TLL1: variants seen among roughly 807,000 people sequenced by gnomAD.
TLL1 encodes the protein tolloid-like protein 1.
In TLL1, 49 loss-of-function variants were observed where a neutral mutation model predicts 128.2. That is an observed-to-expected ratio of 0.38 (90% CI 0.30 to 0.48). The LOEUF is 0.48. Ranked by LOEUF, TLL1 falls within the 20% of genes least tolerant of loss-of-function variation. The probability of loss-of-function intolerance (pLI) is 0.96; values close to 1 mark genes in which losing one functional copy is unlikely to be tolerated. For synonymous variants in TLL1, 454 were observed against 418.8 expected (o/e 1.08, Z -1.03); for missense variants, 1,123 against 1,242.0 (o/e 0.90, Z 1.44).
rs769663000 is a variant in TLL1 at position 166,008,064 on chromosome 4, T to C, written c.917+16T>C. The C allele has an allele frequency of 1.1e-5, 17 of 1,592,898 alleles. No individual in the cohort carries two copies. In the Admixed American group the frequency reaches 2.8e-4, roughly 27 times the overall value. ...CCTTCTCAAGGTTGGAGTCTCAGGT[T>C]ATACCTTTTGACTTTTAATTCCTTT... On this transcript the variant is annotated intron_variant, in intron 7 of 20. Transcript: ENST00000061240.
intron 2 of TLL1, among the ~76,000 whole-genome samples, chr4:165,989,920 T>G (rs2111010497): frequency 6.6e-6 from 1 of 152,036 alleles, no homozygotes; most frequent in African/African-American, 2.4e-5. Flanking sequence ...CTCTTGAGTA[T>G]TATATTAAGT....
chr4:165,874,406 C>T (rs1237927919), intron 1 of TLL1, among the ~76,000 whole-genome samples: 1 of 152,154 alleles, frequency 6.6e-6, no homozygotes, highest in East Asian at 1.9e-4. Context: ...GTTTTAAATT[C>T]CAACACTCAG....
At chr4:165,946,111 C>T (rs896071619) in intron 1 of TLL1, among the ~76,000 whole-genome samples, 5 of 152,144 alleles carry the variant, frequency 3.3e-5, no homozygotes, top group Admixed American at 6.5e-5. Flanking sequence ...AGAGTGGTTC[C>T]GAGATGACAG....
At chr4:166,041,210 A>T (rs1739220657) in intron 10 of TLL1, among the ~76,000 whole-genome samples, 1 of 152,094 alleles carries the variant, frequency 6.6e-6, no homozygotes, top group Admixed American at 6.5e-5. Context: ...AGATACCAAG[A>T]GTAGCCTTGG....
At position 166,047,792 on chromosome 4, in the gene TLL1, T is replaced by G. The variant is rs116345320; in HGVS notation, c.1524+4373T>G. On this transcript the variant is annotated intron_variant, in intron 12 of 20. Coordinates refer to ENST00000061240, the MANE Select transcript of TLL1 (RefSeq NM_012464.5). Reference sequence around the variant, plus strand: ...CTTGATGCCTCTGTAATTATACCATTTGGGAAGTGATGTGGTCTGGATGTT... The same window carrying G: ...CTTGATGCCTCTGTAATTATACCATGTGGGAAGTGATGTGGTCTGGATGTT... Among the ~76,000 whole-genome samples the G allele has an allele frequency of 6.3e-3, 963 of 152,228 alleles. 5 individuals carry two copies. Among genetic ancestry groups the G allele is most frequent in the African/African-American group, 0.022 (912 of 41,552 alleles).
At chr4:165,907,112 AAGT>A (rs1732295642) in intron 1 of TLL1, among the ~76,000 whole-genome samples, 1 of 152,230 alleles carries the variant, frequency 6.6e-6, no homozygotes, top group South Asian at 2.1e-4. Flanking sequence ...GGTCTCAAAA[AAGT>A]TTAAAAATTA....
At chr4:166,043,033 G>T (rs112184403) in intron 11 of TLL1, among the ~76,000 whole-genome samples, 2,057 of 152,172 alleles carry the variant, frequency 0.014, 55 homozygotes, top group African/African-American at 0.047. Context: ...ATACCTTTTC[G>T]TTAAGATAGG....
chr4:166,044,405 G>A lies in TLL1; in HGVS notation c.1524+986G>A, dbSNP rs1372174595. The A allele has an allele frequency of 3.3e-6, 5 of 1,535,430 alleles. No individual in the cohort carries two copies. In the African/African-American group the frequency reaches 6.8e-5, roughly 21 times the overall value. On this transcript the variant is annotated intron_variant, in intron 12 of 20. Coordinates refer to ENST00000061240, the MANE Select transcript of TLL1 (RefSeq NM_012464.5). ...AATCCAGGGATTGCCAGTAAAGCCA[G>A]AGAATCTCTCATCCTCATCTGGAAG...
intron 1 of TLL1, among the ~76,000 whole-genome samples, chr4:165,951,841 T>C (rs534113391): frequency 1.3e-5 from 2 of 152,260 alleles, no homozygotes; most frequent in East Asian, 1.9e-4. Context: ...AATTGATCCA[T>C]TATTACCAAG....
chr4:165,971,597 G>T (rs1202829435), intron 1 of TLL1, among the ~76,000 whole-genome samples: 2 of 152,158 alleles, frequency 1.3e-5, no homozygotes, highest in Non-Finnish European at 2.9e-5. Flanking sequence ...TGTGAATCAG[G>T]ATCTCTGAAT....
At position 166,078,024 on chromosome 4, in the gene TLL1, C is replaced by A; in HGVS notation, c.2436C>A (p.Ile812=). The A allele has an allele frequency of 6.2e-7, 1 of 1,613,508 alleles. No individual in the cohort carries two copies. The highest frequency in any genetic ancestry group is 1.1e-5 in the South Asian group (1 of 91,022). Residue 812 remains isoleucine, a synonymous_variant, in exon 18 of 21, where the codon ATC becomes ATA. Coordinates refer to ENST00000061240, the MANE Select transcript of TLL1 (RefSeq NM_012464.5). ...TCAGCGCCACTCCTGGCCACCGAATCAAATTAGTAAGTGAGCACATCCTTT... is the reference window on the plus strand; with the variant it reads ...TCAGCGCCACTCCTGGCCACCGAATAAAATTAGTAAGTGAGCACATCCTTT... ...WEISATPGHR[I]KLAFSEFEIE...
At chr4:165,898,992 C>A (rs535048928) in intron 1 of TLL1, among the ~76,000 whole-genome samples, 1 of 152,244 alleles carries the variant, frequency 6.6e-6, no homozygotes, top group Non-Finnish European at 1.5e-5. Flanking sequence ...TTCATTTCTT[C>A]TAGATTTTAT....
At chr4:166,066,644 T>A (rs1436547497) in intron 16 of TLL1, among the ~76,000 whole-genome samples, 1 of 151,790 alleles carries the variant, frequency 6.6e-6, no homozygotes, top group African/African-American at 2.4e-5. Flanking sequence ...TTTATTCTGG[T>A]CCTCATGTGT....
rs747081520 is a variant in TLL1 at position 166,030,885 on chromosome 4, T to A, written c.1158+5454T>A. 4.3e-5 allele frequency: 42 copies of A among 987,458 alleles called. No homozygotes were observed. The East Asian group carries it at 1.1e-3, about 26-fold the overall frequency. 61.2% of individuals were successfully genotyped at this position (987,458 alleles called of 1,614,324 possible). On this transcript the variant is annotated intron_variant, in intron 9 of 20. Coordinates refer to ENST00000061240, the MANE Select transcript of TLL1 (RefSeq NM_012464.5). ...GAAAATGTGGATTTTTTACATGAAT[T>A]TATAAAACTATAGTTTCACTGGATA...
intron 1 of TLL1, among the ~76,000 whole-genome samples, chr4:165,947,575 G>A (rs896373974): frequency 6.6e-6 from 1 of 152,074 alleles, no homozygotes; most frequent in Non-Finnish European, 1.5e-5. Flanking sequence ...AGAATGCACT[G>A]GAGAAAAGGC....
At chr4:166,079,572 A>C (rs1298976528) in intron 18 of TLL1, among the ~76,000 whole-genome samples, 1 of 151,884 alleles carries the variant, frequency 6.6e-6, no homozygotes, top group East Asian at 1.9e-4. Context: ...TCTTTTTATC[A>C]GCAATTTGAA....
chr4:165,947,030 A>G (rs976213428), intron 1 of TLL1, among the ~76,000 whole-genome samples: 5 of 152,096 alleles, frequency 3.3e-5, no homozygotes, highest in South Asian at 2.1e-4. Context: ...TACCTAGTGT[A>G]TTTGTCAGCA....
intron 1 of TLL1, among the ~76,000 whole-genome samples, chr4:165,957,498 A>C (rs1305995167): frequency 6.6e-6 from 1 of 151,634 alleles, no homozygotes; most frequent in Non-Finnish European, 1.5e-5. Flanking sequence ...TTTAAATGTA[A>C]TTTATTTATT....
intron 1 of TLL1, among the ~76,000 whole-genome samples, chr4:165,889,630 A>G (rs779866798): frequency 1.3e-5 from 2 of 152,230 alleles, no homozygotes; most frequent in Non-Finnish European, 2.9e-5. Context: ...AACTTTGTGG[A>G]ACAGCTAAGT....
Sources: gnomAD v4.1 joint callset for allele counts (sites outside exome capture counted in the v4.1 genomes callset) on GRCh38, gnomAD v4.1.1 for gene constraint, MANE v1.5 for transcripts, NCBI Gene and HGNC (gene_info 2026-07-23, HGNC 2026-07-21) for gene names.